NRXN1: variants seen among roughly 807,000 people sequenced by gnomAD.
NRXN1 encodes neurexin 1.
A neutral mutation model predicts 150.9 loss-of-function variants in NRXN1; 39 were observed. The observed-to-expected ratio is 0.26, with a 90% CI of 0.20 to 0.34. The LOEUF (loss-of-function observed/expected upper bound fraction) is 0.34, where lower values mean the gene tolerates loss of function less well. Ranked by LOEUF, NRXN1 falls within the 10% of genes least tolerant of loss-of-function variation. The probability of loss-of-function intolerance (pLI) is 1.00; values close to 1 mark genes in which losing one functional copy is unlikely to be tolerated. For missense variants in NRXN1, 1,815 were observed against 1,949.9 expected (o/e 0.93, Z 1.30); for synonymous variants, 924 against 757.0 (o/e 1.22, Z -3.62).
intron 10 of NRXN1, among the ~76,000 whole-genome samples, chr2:50,534,591 CTTTACT>C (rs2093205225): frequency 6.6e-6 from 1 of 152,074 alleles, no homozygotes; most frequent in South Asian, 2.1e-4. Context: ...GAAATTTGAT[CTTTACT>C]TTTGTTTTTC....
intron 11 of NRXN1, among the ~76,000 whole-genome samples, chr2:50,529,803 C>T (rs780137747): frequency 6.6e-6 from 1 of 152,136 alleles, no homozygotes; most frequent in Non-Finnish European, 1.5e-5. Flanking sequence ...AACCTGTCAT[C>T]GTCACTAGAG....
At chr2:50,549,504 C>T (rs914379005) in intron 9 of NRXN1, among the ~76,000 whole-genome samples, 9 of 152,124 alleles carry the variant, frequency 5.9e-5, no homozygotes, top group Non-Finnish European at 1.2e-4. Context: ...CAGCACCAAG[C>T]ATAGTAATCT....
At chr2:50,939,998 G>C (rs1476863808) in intron 2 of NRXN1, among the ~76,000 whole-genome samples, 1 of 152,072 alleles carries the variant, frequency 6.6e-6, no homozygotes, top group Non-Finnish European at 1.5e-5. Context: ...ATTTTTAAAT[G>C]ACTTTCTTAT....
At chr2:50,900,881 T>C (rs974881403) in intron 5 of NRXN1, among the ~76,000 whole-genome samples, 4 of 152,092 alleles carry the variant, frequency 2.6e-5, no homozygotes, top group African/African-American at 9.7e-5. Flanking sequence ...AAGGAAGAGA[T>C]GGTTCTCCTA....
At chr2:50,275,987 CAAAA>C in intron 17 of NRXN1, among the ~76,000 whole-genome samples, 1 of 127,948 alleles carries the variant, frequency 7.8e-6, no homozygotes, top group African/African-American at 2.9e-5. Context: ...TCCTACCTTG[CAAAA>C]AAAAAAAAAA....
intron 9 of NRXN1, among the ~76,000 whole-genome samples, chr2:50,545,115 G>A (rs868105463): frequency 2.0e-5 from 3 of 152,260 alleles, no homozygotes; most frequent in Middle Eastern, 6.8e-3. Context: ...GGAGAACAGA[G>A]TAAATTGATG....
chr2:50,101,796 C>T (rs1394198766), intron 18 of NRXN1, among the ~76,000 whole-genome samples: 1 of 151,922 alleles, frequency 6.6e-6, no homozygotes, highest in Non-Finnish European at 1.5e-5. Context: ...TCATGACTTG[C>T]AACCTAAAAA....
At chr2:50,328,910 T>A (rs1390678276) in intron 17 of NRXN1, among the ~76,000 whole-genome samples, 1 of 152,162 alleles carries the variant, frequency 6.6e-6, no homozygotes, top group African/African-American at 2.4e-5. Flanking sequence ...ATCTTGTCTC[T>A]TGTTATTTCA....
chr2:50,592,024 C>T (rs915804561), intron 8 of NRXN1, among the ~76,000 whole-genome samples: 5 of 152,144 alleles, frequency 3.3e-5, no homozygotes, highest in Non-Finnish European at 5.9e-5. Flanking sequence ...CAAGGACACC[C>T]GATGCAAGGA....
chr2:51,010,925 T>A (rs1354302751), intron 2 of NRXN1, among the ~76,000 whole-genome samples: 3 of 151,704 alleles, frequency 2.0e-5, no homozygotes, highest in Non-Finnish European at 2.9e-5. Flanking sequence ...GAACTACAGG[T>A]GTATGCCACA....
At chr2:50,702,386 G>T (rs1272333900) in intron 5 of NRXN1, among the ~76,000 whole-genome samples, 1 of 151,492 alleles carries the variant, frequency 6.6e-6, no homozygotes, top group African/African-American at 2.4e-5. Context: ...AACCTCATTT[G>T]TATTCAGCAT....
chr2:50,624,534 A>C (rs1195512137), intron 5 of NRXN1, among the ~76,000 whole-genome samples: 1 of 152,094 alleles, frequency 6.6e-6, no homozygotes, highest in African/African-American at 2.4e-5. Context: ...AGACCATAGA[A>C]AATTATCTGG....
At chr2:50,974,687 T>TCC (rs1427527675) in intron 2 of NRXN1, among the ~76,000 whole-genome samples, 1 of 152,060 alleles carries the variant, frequency 6.6e-6, no homozygotes, top group Non-Finnish European at 1.5e-5. Flanking sequence ...CTGTTTTTTT[T>TCC]CCCATCTAAA....
At chr2:50,577,709 A>AACACACAC (rs145366518) in intron 8 of NRXN1, among the ~76,000 whole-genome samples, 286 of 147,298 alleles carry the variant, frequency 1.9e-3, no homozygotes, top group African/African-American at 6.8e-3. Context: ...ACCTGACTGA[A>AACACACAC]ACACACACAC....
chr2:50,635,436 G>A (rs1327961787), intron 5 of NRXN1, among the ~76,000 whole-genome samples: 4 of 151,560 alleles, frequency 2.6e-5, no homozygotes, highest in African/African-American at 4.9e-5. Context: ...GCCTCCCAAT[G>A]TGCTGGGATT....
chr2:50,641,545 C>A (rs969703704), intron 5 of NRXN1, among the ~76,000 whole-genome samples: 3 of 152,040 alleles, frequency 2.0e-5, no homozygotes, highest in Non-Finnish European at 4.4e-5. Flanking sequence ...TGGCATACAA[C>A]CGAGAGACAT....
Position 50,709,948 on chromosome 2 carries a change from T to G in NRXN1, c.833-86333A>C, listed in dbSNP as rs532159109. On this transcript the variant is annotated intron_variant, in intron 5 of 22. Coordinates refer to ENST00000401669, the MANE Select transcript of NRXN1 (RefSeq NM_001330078.2). ...CAGAAATGCATTCCAGAAGATATAT[T>G]TTGAGTTGATACATGTAAGACTCTA... Among the ~76,000 whole-genome samples, 19 of 152,252 alleles carry G rather than the reference T, an allele frequency of 1.2e-4. No homozygotes were observed. In the South Asian group the frequency reaches 3.9e-3, roughly 32 times the overall value.
intron 17 of NRXN1, among the ~76,000 whole-genome samples, chr2:50,367,657 C>A (rs2079686002): frequency 6.6e-6 from 1 of 151,964 alleles, no homozygotes; most frequent in South Asian, 2.1e-4. Flanking sequence ...AGCATATCTA[C>A]CTTCTGACAT....
At chr2:50,245,503 G>A (rs1259462079) in intron 17 of NRXN1, among the ~76,000 whole-genome samples, 1 of 151,918 alleles carries the variant, frequency 6.6e-6, no homozygotes, top group Non-Finnish European at 1.5e-5. Flanking sequence ...GCTATAGGCA[G>A]CAGGGATAGG....
Sources: allele counts gnomAD v4.1 joint callset (sites outside exome capture counted in the v4.1 genomes callset), GRCh38; gene constraint gnomAD v4.1.1; transcripts MANE v1.5; gene names NCBI Gene and HGNC (gene_info 2026-07-23, HGNC 2026-07-21).